Variants in CYP3A43 observed in about 807,000 individuals in gnomAD.
The protein encoded by CYP3A43 is cytochrome P450 family 3 subfamily A member 43.
A neutral mutation model predicts 58.0 loss-of-function variants in CYP3A43; 45 were observed. The observed-to-expected ratio is 0.78, with a 90% CI of 0.61 to 0.99. CYP3A43 has a LOEUF of 0.99. Ranked by LOEUF, CYP3A43 falls within the 50% of genes least tolerant of loss-of-function variation. The probability of loss-of-function intolerance (pLI) is 0.00; values close to 1 mark genes in which losing one functional copy is unlikely to be tolerated. For synonymous variants in CYP3A43, 191 were observed against 201.4 expected (o/e 0.95, Z 0.44); for missense variants, 593 against 591.9 (o/e 1.00, Z -0.02).
chr7:99,846,925 TG>T (rs914152354), intron 4 of CYP3A43, among the ~76,000 whole-genome samples: 74 of 152,162 alleles, frequency 4.9e-4, no homozygotes, highest in African/African-American at 1.8e-3. Flanking sequence ...CCTCTAATCC[TG>T]GGGGGAAAAT....
At chr7:99,842,212 C>G (rs1402672985) in intron 3 of CYP3A43, among the ~76,000 whole-genome samples, 1 of 152,130 alleles carries the variant, frequency 6.6e-6, no homozygotes, top group Admixed American at 6.5e-5. Context: ...TACAATCTCC[C>G]TAGCTATATA....
At chr7:99,847,353 T>C (rs1817574794) in intron 4 of CYP3A43, 135 bp from the exon 5 acceptor site, 2 of 777,376 alleles carry the variant, frequency 2.6e-6, no homozygotes, top group Non-Finnish European at 4.1e-6. Context: ...ATTGAGCATC[T>C]AGTATAGAGC....
intron 1 of CYP3A43, among the ~76,000 whole-genome samples, chr7:99,836,030 C>T (rs1817060670): frequency 6.6e-6 from 1 of 152,154 alleles, no homozygotes; most frequent in South Asian, 2.1e-4. Flanking sequence ...TAGAGCAGAG[C>T]TTGCAGGAAT....
chr7:99,851,198 A>G (rs777661227), intron 7 of CYP3A43, among the ~76,000 whole-genome samples: 7 of 152,136 alleles, frequency 4.6e-5, no homozygotes, highest in African/African-American at 7.2e-5. Context: ...TTGCTTATCC[A>G]TTCATAGTTG....
Position 99,847,499 on chromosome 7 carries a change from A to G in CYP3A43, c.330A>G (p.Pro110=). 1 of 1,613,964 alleles carries G rather than the reference A, an allele frequency of 6.2e-7. No individual in the cohort carries two copies. The highest frequency in any genetic ancestry group is 1.1e-5 in the South Asian group (1 of 91,060). The part of the protein sequence containing the change: ...SVFTNQMPLG[P]MGFLKSALSF... The stretch of plus-strand genomic sequence containing the variant: ...GCTTTGAACTCAAGCCTTTAGGTCC[A>G]ATGGGATTTCTGAAAAGTGCCTTAA... The change falls in exon 5 of 13, where the codon CCA becomes CCG. Residue 110 remains proline, a synonymous_variant. Coordinates refer to ENST00000354829, the MANE Select transcript of CYP3A43 (RefSeq NM_057095.3).
chr7:99,865,968 G>A lies in CYP3A43; in HGVS notation c.1479G>A (p.Val493=), dbSNP rs757941075. 1.1e-5 allele frequency: 17 copies of A among 1,606,282 alleles called. No individual in the cohort carries two copies. The African/African-American group carries it at 1.6e-4, about 15-fold the overall frequency. ...CAGAAAAACCTATTGTTCTAAAAGTGCACTTAAGAGATGGGATTACAAGTG... is the reference window on the plus strand; with the variant it reads ...CAGAAAAACCTATTGTTCTAAAAGTACACTTAAGAGATGGGATTACAAGTG... ...LQPEKPIVLK[V]HLRDGITSGP is the part of the protein sequence containing the mutation. Residue 493 remains valine, a synonymous_variant, in exon 13 of 13, where the codon GTG becomes GTA. Coordinates refer to ENST00000354829, the MANE Select transcript of CYP3A43 (RefSeq NM_057095.3).
Position 99,844,189 on chromosome 7 carries a change from A to G in CYP3A43, c.265A>G (p.Met89Val), listed in dbSNP as rs1216301966. 8 of 1,614,054 alleles carry G rather than the reference A, an allele frequency of 5.0e-6. No homozygotes were observed. The highest frequency in any genetic ancestry group is 3.3e-4 in the Middle Eastern group (2 of 6,060). The part of the protein sequence containing the change: ...QPMLVIMDPD[M>V]IKTVLVKECY... ...CATGCTGGTCATCATGGATCCCGAC[A>G]TGATCAAAACAGTGTTAGTGAAAGA... The change falls in exon 4 of 13, where the codon ATG (methionine) becomes GTG (valine). Residue 89 changes from methionine to valine, a missense_variant. Transcript: ENST00000354829.
At chr7:99,850,145 C>T (rs533515455) in intron 7 of CYP3A43, 50 of 343,422 alleles carry the variant, frequency 1.5e-4, no homozygotes, top group Middle Eastern at 1.1e-3. Flanking sequence ...TTAGTAGAGA[C>T]GGGGTTTTGC....
intron 1 of CYP3A43, 119 bp from the exon 2 acceptor site, chr7:99,836,334 T>G (rs982465802): frequency 4.1e-6 from 3 of 728,356 alleles, no homozygotes; most frequent in Admixed American, 2.6e-5. Flanking sequence ...CTGTTGTTAT[T>G]TATTGCCTCC....
chr7:99,863,444 C>A, intron 11 of CYP3A43, 93 bp from the exon 12 acceptor site: 1 of 1,067,670 alleles, frequency 9.4e-7, no homozygotes. Flanking sequence ...AGGAGGTCCT[C>A]GCCTCCCAAA....
chr7:99,847,998 C>T (rs934202463), intron 5 of CYP3A43, 168 bp from the exon 6 acceptor site: 5 of 685,134 alleles, frequency 7.3e-6, no homozygotes, highest in Non-Finnish European at 9.7e-6. Flanking sequence ...GCAACAAGAG[C>T]GAAACTCTGT....
Position 99,849,653 on chromosome 7 carries a change from T to C in CYP3A43, c.629T>C (p.Leu210Pro). 9 of 1,610,524 alleles carry C rather than the reference T, an allele frequency of 5.6e-6. No individual in the cohort carries two copies. Among genetic ancestry groups the C allele is most frequent in the Non-Finnish European group, 7.6e-6 (9 of 1,179,234 alleles). The change falls in exon 7 of 13, where the codon CTT becomes CCT. Residue 210 changes from leucine (L) to proline (P), a missense_variant. Coordinates refer to ENST00000354829, the MANE Select transcript of CYP3A43 (RefSeq NM_057095.3). ...CCCTTTCTGAAAAATATGAAGAAGCTTTTAAAATTGGATTTTTTGGATCCC... is the reference window on the plus strand; with the variant it reads ...CCCTTTCTGAAAAATATGAAGAAGCCTTTAAAATTGGATTTTTTGGATCCC... ...QDPFLKNMKK[L>P]LKLDFLDPFL... is the part of the protein sequence containing the mutation.
chr7:99,842,025 C>A (rs923573768), intron 3 of CYP3A43, among the ~76,000 whole-genome samples: 1 of 152,122 alleles, frequency 6.6e-6, no homozygotes, highest in Non-Finnish European at 1.5e-5. Flanking sequence ...ATAGTGGGAG[C>A]CTTTGAATTA....
chr7:99,830,499 C>T (rs531193748), intron 1 of CYP3A43, among the ~76,000 whole-genome samples: 5 of 150,794 alleles, frequency 3.3e-5, no homozygotes, highest in Non-Finnish European at 7.4e-5. Flanking sequence ...GCCTGAACAA[C>T]AAGAGCAAAA....
intron 3 of CYP3A43, among the ~76,000 whole-genome samples, chr7:99,843,196 C>T (rs1370020932): frequency 6.6e-6 from 1 of 152,058 alleles, no homozygotes; most frequent in Non-Finnish European, 1.5e-5. Flanking sequence ...AAGAATGTGA[C>T]CATTTGCCTC....
chr7:99,848,350 C>G (rs1229504309), intron 6 of CYP3A43, 96 bp downstream of exon 6: 7 of 1,313,152 alleles, frequency 5.3e-6, no homozygotes, highest in African/African-American at 2.9e-5. Flanking sequence ...CTCCAGTGAT[C>G]GGACAAAAGC....
intron 1 of CYP3A43, among the ~76,000 whole-genome samples, chr7:99,832,083 T>A (rs1233633319): frequency 1.3e-5 from 2 of 152,140 alleles, no homozygotes; most frequent in African/African-American, 4.8e-5. Context: ...TGTGCAGGAA[T>A]GTTTAAGGAT....
chr7:99,838,293 C>T (rs1002663248), intron 2 of CYP3A43, among the ~76,000 whole-genome samples: 1 of 152,206 alleles, frequency 6.6e-6, no homozygotes, highest in African/African-American at 2.4e-5. Flanking sequence ...ATGCCTTGGA[C>T]TTTTATTTAA....
intron 7 of CYP3A43, chr7:99,855,370 T>C: frequency 2.1e-6 from 1 of 466,826 alleles, no homozygotes; most frequent in Non-Finnish European, 3.7e-6. Flanking sequence ...CTGATCTCAC[T>C]GCTATAGTGG....
Sources: allele counts gnomAD v4.1 joint callset (sites outside exome capture counted in the v4.1 genomes callset), GRCh38; gene constraint gnomAD v4.1.1; transcripts MANE v1.5; gene names NCBI Gene and HGNC (gene_info 2026-07-23, HGNC 2026-07-21).